TNFSF8: variants seen among roughly 807,000 people sequenced by gnomAD.
TNFSF8 encodes the protein tumor necrosis factor ligand superfamily member 8.
A neutral mutation model predicts 22.0 loss-of-function variants in TNFSF8; 4 were observed. The ratio of observed to expected loss-of-function variants is 0.18; its 90% CI spans 0.09 to 0.42. The LOEUF (loss-of-function observed/expected upper bound fraction) is 0.42. TNFSF8 is among the 10% of genes least tolerant of loss of function. The pLI is 1.00. For synonymous variants in TNFSF8, 106 were observed against 112.5 expected (o/e 0.94, Z 0.37); for missense variants, 233 against 281.8 (o/e 0.83, Z 1.24).
At position 114,903,707 on chromosome 9, in the gene TNFSF8, C is replaced by A; in HGVS notation, c.*224G>T. On this transcript the variant is annotated 3_prime_UTR_variant, in exon 4 of 4. Transcript: ENST00000223795. ...TGATTCTGTGTGGGGCTCTGCCCACCACACTACATTGCTTCCCTGCCTGCT... is the reference window on the plus strand; with the variant it reads ...TGATTCTGTGTGGGGCTCTGCCCACAACACTACATTGCTTCCCTGCCTGCT... The A allele has an allele frequency of 1.6e-6, 2 of 1,282,976 alleles. No individual in the cohort carries two copies. The highest frequency in any genetic ancestry group is 2.0e-6 in the Non-Finnish European group (2 of 1,016,392). 79.5% of individuals were successfully genotyped at this position (1,282,976 alleles called of 1,614,324 possible). A position where few individuals can be genotyped will look rare whatever the true frequency, so the allele number is the denominator to read the frequency against.
intron 2 of TNFSF8, among the ~76,000 whole-genome samples, chr9:114,915,922 T>C (rs1827912870): frequency 6.6e-6 from 1 of 152,166 alleles, no homozygotes; most frequent in Non-Finnish European, 1.5e-5. Flanking sequence ...CTGAGGTTGG[T>C]TTTGATTACT....
intron 2 of TNFSF8, among the ~76,000 whole-genome samples, chr9:114,910,762 C>T (rs746859345): frequency 6.6e-6 from 1 of 152,182 alleles, no homozygotes; most frequent in Non-Finnish European, 1.5e-5. Flanking sequence ...GCAAAACAGA[C>T]CAAGCCAACC....
intron 2 of TNFSF8, among the ~76,000 whole-genome samples, chr9:114,909,380 G>A (rs1827824914): frequency 6.6e-6 from 1 of 152,312 alleles, no homozygotes; most frequent in South Asian, 2.1e-4. Context: ...GAAGAACAGA[G>A]CATCAGAGTG....
intron 1 of TNFSF8, among the ~76,000 whole-genome samples, chr9:114,921,953 G>A (rs1330273744): frequency 1.3e-5 from 2 of 152,118 alleles, no homozygotes; most frequent in South Asian, 2.1e-4. Flanking sequence ...GGGAGGAATG[G>A]TCATGTTTAA....
intron 1 of TNFSF8, among the ~76,000 whole-genome samples, chr9:114,925,957 T>G (rs1395063559): frequency 6.6e-6 from 1 of 152,178 alleles, no homozygotes; most frequent in African/African-American, 2.4e-5. Context: ...TATCTCATTA[T>G]GTATTCCCCT....
chr9:114,923,526 T>TTTCTTTCTTTCTTTCTTTCTTTC (rs1357421157), intron 1 of TNFSF8, among the ~76,000 whole-genome samples: 1 of 22,012 alleles, frequency 4.5e-5, no homozygotes, highest in African/African-American at 1.8e-4. Flanking sequence ...TTCTTTCTTT[T>TTTCTTTCTTTCTTTCTTTCTTTC]TTTTTTTTTG....
chr9:114,930,508 T>C lies in TNFSF8; in HGVS notation c.-205A>G. ...AGCAAGGGTGGGGGAGAGGTTCATT[T>C]TTCATTGCCAGGGATTAAGTTGTGT... On this transcript the variant is annotated 5_prime_UTR_variant, in exon 1 of 4. Coordinates refer to ENST00000223795, the MANE Select transcript of TNFSF8 (RefSeq NM_001244.4). 2.2e-6 allele frequency: 1 copy of C among 445,178 alleles called. No individual in the cohort carries two copies. The highest frequency in any genetic ancestry group is 4.0e-6 in the Non-Finnish European group (1 of 251,970). The allele number at this position is 445,178 out of a possible 1,614,324, so 27.6% of individuals were successfully genotyped here.
intron 2 of TNFSF8, among the ~76,000 whole-genome samples, chr9:114,913,193 G>C (rs1394486275): frequency 1.3e-5 from 2 of 152,182 alleles, no homozygotes; most frequent in East Asian, 3.8e-4. Flanking sequence ...ATTCAGGCGA[G>C]GGTGGAGTTG....
intron 2 of TNFSF8, among the ~76,000 whole-genome samples, chr9:114,916,116 A>G (rs1052465599): frequency 6.6e-6 from 1 of 152,224 alleles, no homozygotes; most frequent in Non-Finnish European, 1.5e-5. Context: ...AAACAAAACA[A>G]AATAACTCTG....
chr9:114,913,860 T>C (rs898457154), intron 2 of TNFSF8, among the ~76,000 whole-genome samples: 2 of 152,232 alleles, frequency 1.3e-5, no homozygotes, highest in African/African-American at 4.8e-5. Flanking sequence ...CACATAGTGA[T>C]GCCTGTCAAC....
intron 1 of TNFSF8, among the ~76,000 whole-genome samples, chr9:114,925,480 C>T (rs547613914): frequency 6.6e-6 from 1 of 152,204 alleles, no homozygotes; most frequent in East Asian, 1.9e-4. Context: ...CTTGGAACAC[C>T]CATTCAGACG....
At chr9:114,912,605 G>T (rs371178209) in intron 2 of TNFSF8, among the ~76,000 whole-genome samples, 1 of 152,142 alleles carries the variant, frequency 6.6e-6, no homozygotes, top group Non-Finnish European at 1.5e-5. Context: ...TGGCCAGAAT[G>T]GTCTCGATCT....
intron 1 of TNFSF8, among the ~76,000 whole-genome samples, chr9:114,923,084 C>G (rs1649356388): frequency 6.6e-6 from 1 of 151,996 alleles, no homozygotes; most frequent in South Asian, 2.1e-4. Flanking sequence ...GCAGTGATAT[C>G]CTGTCCTCTC....
rs1827753700 is a variant in TNFSF8, at chr9:114,904,090, T to C, written c.546A>G (p.Gln182=). Residue 182 remains glutamine, a synonymous_variant, in exon 4 of 4, where the codon CAA becomes CAG. Coordinates refer to ENST00000223795, the MANE Select transcript of TNFSF8 (RefSeq NM_001244.4). ...AGAGATTCTGGTATACGTGTTTCGT[T>C]TGCATTCCAGACTCACACACTGTCA... ...ALVTVCESGM[Q]TKHVYQNLSQ... The C allele has an allele frequency of 6.2e-7, 1 of 1,614,034 alleles. No individual in the cohort carries two copies. Among genetic ancestry groups the C allele is most frequent in the Admixed American group, 1.7e-5 (1 of 59,998 alleles).
chr9:114,926,138 G>C (rs760469792), intron 1 of TNFSF8, among the ~76,000 whole-genome samples: 5 of 152,170 alleles, frequency 3.3e-5, no homozygotes, highest in Non-Finnish European at 5.9e-5. Context: ...ATGTAAAGAA[G>C]TGTCTGTTGG....
intron 1 of TNFSF8, among the ~76,000 whole-genome samples, chr9:114,926,465 A>G: frequency 6.6e-6 from 1 of 152,182 alleles, no homozygotes; most frequent in East Asian, 1.9e-4. Flanking sequence ...TTCCATTCCT[A>G]TCACTAAAAA....
At chr9:114,899,355 T>TTA (rs1564366036), downstream of TNFSF8, among the ~76,000 whole-genome samples, 278 of 151,732 alleles carry the variant, frequency 1.8e-3, 4 homozygotes, top group African/African-American at 6.4e-3. Context: ...ATTTTTTTTT[T>TTA]TTTTTCTTAG....
At chr9:114,917,133 G>A (rs1827929496) in intron 2 of TNFSF8, among the ~76,000 whole-genome samples, 1 of 152,228 alleles carries the variant, frequency 6.6e-6, no homozygotes. Context: ...TGCTGTGAGT[G>A]TGAGGAGCTG....
intron 2 of TNFSF8, among the ~76,000 whole-genome samples, chr9:114,912,161 T>A (rs913141572): frequency 1.3e-5 from 2 of 152,228 alleles, no homozygotes; most frequent in African/African-American, 4.8e-5. Flanking sequence ...TCCTGTTTTC[T>A]TCTTAAAAGT....
Sources: allele counts gnomAD v4.1 joint callset (sites outside exome capture counted in the v4.1 genomes callset), GRCh38; gene constraint gnomAD v4.1.1; transcripts MANE v1.5; gene names NCBI Gene and HGNC (gene_info 2026-07-23, HGNC 2026-07-21).